Variants in PCNT observed in about 807,000 individuals in gnomAD.
The protein encoded by PCNT is kendrin.
PCNT carries 319 observed loss-of-function variants against 380.4 expected under a neutral mutation model. The ratio of observed to expected loss-of-function variants is 0.84; its 90% CI spans 0.77 to 0.92. The LOEUF (loss-of-function observed/expected upper bound fraction) is 0.92, where lower values mean the gene tolerates loss of function less well. Among genes scored for constraint, PCNT ranks in the 40% least tolerant of loss-of-function variants. The probability of loss-of-function intolerance (pLI) is 0.00; values close to 1 mark genes in which losing one functional copy is unlikely to be tolerated. For missense variants in PCNT, 4,400 were observed against 4,255.3 expected (o/e 1.03, Z -0.95); for synonymous variants, 1,845 against 1,735.2 (o/e 1.06, Z -1.57).
At chr21:46,327,130 G>T (rs1049943139) in intron 2 of PCNT, among the ~76,000 whole-genome samples, 2 of 148,936 alleles carry the variant, frequency 1.3e-5, no homozygotes, top group Admixed American at 6.7e-5. Flanking sequence ...GCGCGATCTC[G>T]GCTCACTGCA....
chr21:46,361,144 A>C (rs1349953311), intron 13 of PCNT, among the ~76,000 whole-genome samples: 1 of 152,166 alleles, frequency 6.6e-6, no homozygotes, highest in Admixed American at 6.5e-5. Context: ...TAATCCCAGC[A>C]CTTTGGGAGG....
At chr21:46,354,649 A>G (rs1302542265) in intron 11 of PCNT, among the ~76,000 whole-genome samples, 1 of 152,148 alleles carries the variant, frequency 6.6e-6, no homozygotes, top group Non-Finnish European at 1.5e-5. Flanking sequence ...GAGGAGACGC[A>G]GGGGCAGCAC....
intron 15 of PCNT, among the ~76,000 whole-genome samples, chr21:46,374,551 T>G (rs1317748456): frequency 6.6e-6 from 1 of 152,090 alleles, no homozygotes; most frequent in East Asian, 1.9e-4. Context: ...CTTTACACCG[T>G]GAAAAGACAT....
In PCNT at chr21:46,388,006, C is replaced by G. The variant is rs562102451; in HGVS notation, c.3465-736C>G. 7.9e-5 allele frequency among the ~76,000 whole-genome samples: 12 copies of G among 151,952 alleles called. No homozygotes were observed. Among genetic ancestry groups the G allele is most frequent in the African/African-American group, 2.4e-4 (10 of 41,446 alleles). On this transcript the variant is annotated intron_variant, in intron 17 of 46. Transcript: ENST00000359568. This position sits in a 1 kb window ranked among gnomAD's most constrained non-coding sequence, Gnocchi z 4.2. Reference sequence around the variant, plus strand: ...CGGGTGGATCATGAGGTCAGGAGATCGAGACCATCCTGGCTAACATGGTGA... The same window carrying G: ...CGGGTGGATCATGAGGTCAGGAGATGGAGACCATCCTGGCTAACATGGTGA...
intron 3 of PCNT, among the ~76,000 whole-genome samples, chr21:46,345,759 C>T (rs948929199): frequency 6.6e-5 from 10 of 152,222 alleles, no homozygotes; most frequent in Non-Finnish European, 1.3e-4. Flanking sequence ...CTCAGCTCCT[C>T]GCAGCCTCCA....
rs1477255858 is a variant in PCNT at position 46,355,563 on chromosome 21, T to G, written c.1873T>G (p.Cys625Gly). The change falls in exon 12 of 47, where the codon TGC becomes GGC. Residue 625 changes from cysteine to glycine, a missense_variant. Physicochemically the swap from Cys to Gly is radical, Grantham distance 159. Transcript: ENST00000359568. ...QHEGHVSDRC[C>G]VETSALGHEW... The stretch of plus-strand genomic sequence containing the variant: ...CGAGGGGCATGTCTCAGACAGATGC[T>G]GCGTAGAGACTTCAGCATTGGGACA... 4 of 1,614,022 alleles carry G rather than the reference T, an allele frequency of 2.5e-6. No homozygotes were observed. The highest frequency in any genetic ancestry group is 3.4e-6 in the Non-Finnish European group (4 of 1,180,040).
chr21:46,371,940 C>T (rs2085148992), intron 15 of PCNT, among the ~76,000 whole-genome samples: 1 of 146,638 alleles, frequency 6.8e-6, no homozygotes, highest in African/African-American at 2.5e-5. Flanking sequence ...CATGCTCACA[C>T]AGCATGTGCG....
chr21:46,425,603 C>G lies in PCNT; in HGVS notation c.7180-228C>G, dbSNP rs1280297037. Among the ~76,000 whole-genome samples, 3 of 152,210 alleles carry G rather than the reference C, an allele frequency of 2.0e-5. No homozygotes were observed. The highest frequency in any genetic ancestry group is 1.3e-4 in the Admixed American group (2 of 15,286). ...GGAGTGGCTTATAGAGAAATTCACT[C>G]CAAGCCTGGCTTCCGTGTTGTCTCT... On this transcript the variant is annotated intron_variant, in intron 32 of 46. Transcript: ENST00000359568. This position sits in a 1 kb window ranked among gnomAD's most constrained non-coding sequence, Gnocchi z 4.2.
intron 3 of PCNT, among the ~76,000 whole-genome samples, chr21:46,341,791 T>A (rs2083916481): frequency 1.3e-5 from 2 of 152,010 alleles, no homozygotes; most frequent in South Asian, 4.1e-4. Flanking sequence ...GCAGTCTTTC[T>A]ACTCAGCCTC....
intron 32 of PCNT, among the ~76,000 whole-genome samples, chr21:46,422,706 C>T (rs2087306706): frequency 6.6e-6 from 1 of 152,134 alleles, no homozygotes; most frequent in South Asian, 2.1e-4. Context: ...TAAACATATT[C>T]CCAAACAAAA....
In PCNT at chr21:46,424,003, T is replaced by G. The variant is rs530468951; in HGVS notation, c.7180-1828T>G. Among the ~76,000 whole-genome samples the G allele has an allele frequency of 2.0e-4, 30 of 152,264 alleles. No individual in the cohort carries two copies. In the South Asian group the frequency reaches 6.2e-3, roughly 32 times the overall value. The stretch of plus-strand genomic sequence containing the variant: ...ATTGTCTTAATTTCTGGCCTGTGTT[T>G]TAGAGTGTGGAGCCCTGGGGTTGTG... On this transcript the variant is annotated intron_variant, in intron 32 of 46. Transcript: ENST00000359568.
At chr21:46,363,142 T>C (rs2084778199) in intron 13 of PCNT, among the ~76,000 whole-genome samples, 1 of 152,198 alleles carries the variant, frequency 6.6e-6, no homozygotes, top group Non-Finnish European at 1.5e-5. Flanking sequence ...CTGCCACTGG[T>C]CTTGGTCTGA....
chr21:46,373,534 G>A lies in PCNT; in HGVS notation c.3165+6395G>A, dbSNP rs113528069. 2.3e-5 allele frequency among the ~76,000 whole-genome samples: 3 copies of A among 130,328 alleles called. No homozygotes were observed. In the South Asian group the frequency reaches 7.7e-4, roughly 33 times the overall value. The allele number at this position is 130,328 out of a possible 152,430, so 85.5% of individuals were successfully genotyped here. ...GCAACCTCTGCCTCCCTGGTTCAAG[G>A]GATTCTCCTGCCTCAGCCTCCCAAG... On this transcript the variant is annotated intron_variant, in intron 15 of 46. Coordinates refer to ENST00000359568, the MANE Select transcript of PCNT (RefSeq NM_006031.6).
rs1195915102 is a variant in PCNT at position 46,430,239 on chromosome 21, C to T, written c.7913+7C>T. The T allele has an allele frequency of 2.5e-6, 4 of 1,609,468 alleles. No individual in the cohort carries two copies. The East Asian group carries it at 6.7e-5, about 27-fold the overall frequency. On this transcript the variant is annotated splice_region_variant and intron_variant, in intron 36 of 46. Coordinates refer to ENST00000359568, the MANE Select transcript of PCNT (RefSeq NM_006031.6). ...AGGAGGTCCTCCAGCTGAGGTGCGC[C>T]TGATCCCCCTTCCTGGGACACTGGC...
chr21:46,354,701 G>A (rs947698888), intron 11 of PCNT, among the ~76,000 whole-genome samples: 2 of 152,276 alleles, frequency 1.3e-5, no homozygotes, highest in South Asian at 2.1e-4. Context: ...AGGGGAACTC[G>A]GGGCATCTGG....
chr21:46,389,069 G>A (rs1355217093), intron 18 of PCNT, 130 bp from the exon 19 acceptor site: 1 of 1,261,324 alleles, frequency 7.9e-7, no homozygotes, highest in Non-Finnish European at 1.1e-6. Flanking sequence ...CAGCTCCCGT[G>A]GACGTGGCGC....
intron 2 of PCNT, among the ~76,000 whole-genome samples, chr21:46,326,817 C>G (rs1004000512): frequency 6.6e-6 from 1 of 152,008 alleles, no homozygotes; most frequent in African/African-American, 2.4e-5. Flanking sequence ...AGTTCCAGAC[C>G]AGCCTGGCCA....
chr21:46,412,804 C>T (rs750869525), intron 28 of PCNT, 33 bp from the exon 29 acceptor site: 1 of 1,606,502 alleles, frequency 6.2e-7, no homozygotes, highest in East Asian at 2.2e-5. Context: ...CAGCCTCCTG[C>T]ATGCTCAGCT....
chr21:46,444,597 T>G (rs1601229577), intron 45 of PCNT, 97 bp from the exon 46 acceptor site: 3 of 1,385,264 alleles, frequency 2.2e-6, no homozygotes, highest in East Asian at 2.3e-5. Context: ...GCGGGGCTGG[T>G]GCCTTTCTTC....
Sources: gnomAD v4.1 joint callset for allele counts (sites outside exome capture counted in the v4.1 genomes callset) on GRCh38, gnomAD v4.1.1 for gene constraint, Gnocchi (gnomAD v3.1) non-coding constraint, MANE v1.5 for transcripts, NCBI Gene and HGNC (gene_info 2026-07-23, HGNC 2026-07-21) for gene names.